Variants in KIAA1671 observed in about 807,000 individuals in gnomAD.
The protein encoded by KIAA1671 is uncharacterized protein KIAA1671.
KIAA1671 carries 52 observed loss-of-function variants against 131.2 expected under a neutral mutation model. The observed-to-expected ratio is 0.40, with a 90% CI of 0.32 to 0.50. The LOEUF is 0.50. Ranked by LOEUF, KIAA1671 falls within the 20% of genes least tolerant of loss-of-function variation. The pLI, the probability that KIAA1671 is intolerant of heterozygous loss-of-function variation, is 0.73. For synonymous variants in KIAA1671, 1,003 were observed against 961.6 expected, an observed-to-expected ratio of 1.04 and a Z score of -0.80; for missense variants, 2,360 against 2,364.2, an observed-to-expected ratio of 1.00 and a Z score of 0.04.
intron 6 of KIAA1671, chr22:25,058,211 T>C (rs1205891672): frequency 6.6e-6 from 1 of 152,154 alleles, no homozygotes; most frequent in African/African-American, 2.4e-5. Context: ...GACTTGACTT[T>C]TTAGAACAGT....
intron 6 of KIAA1671, among the ~76,000 whole-genome samples, chr22:25,079,803 G>A (rs909485774): frequency 1.3e-5 from 2 of 152,134 alleles, no homozygotes; most frequent in Non-Finnish European, 2.9e-5. Flanking sequence ...AGAGCCATGG[G>A]GGAGTGACCC....
chr22:25,067,951 G>A (rs1018888755), intron 6 of KIAA1671, among the ~76,000 whole-genome samples: 4 of 152,280 alleles, frequency 2.6e-5, no homozygotes, highest in African/African-American at 9.6e-5. Flanking sequence ...AGGACACGCA[G>A]CGCCAGGGGT....
rs1374916424 is a variant in KIAA1671, at chr22:25,034,178, T to C, written c.1629+1482T>C. Among the ~76,000 whole-genome samples, 5 of 152,050 alleles carry C rather than the reference T, an allele frequency of 3.3e-5. No homozygotes were observed. The East Asian group carries it at 9.7e-4, about 30-fold the overall frequency. The stretch of plus-strand genomic sequence containing the variant: ...CTCCTGCCTCAGCCTCCCGAGTAGC[T>C]TGGATTACAGGCACCCACTACCACG... On this transcript the variant is annotated intron_variant, in intron 4 of 12. Coordinates refer to ENST00000358431, the MANE Select transcript of KIAA1671 (RefSeq NM_001145206.2).
intron 1 of KIAA1671, among the ~76,000 whole-genome samples, chr22:25,016,114 G>A (rs991076203): frequency 8.6e-5 from 13 of 150,766 alleles, no homozygotes; most frequent in Admixed American, 3.3e-4. Flanking sequence ...ACCACCTCCC[G>A]GGCTCAAGCG....
chr22:25,050,318 AGTTCCATGCT>A (rs1927468806), intron 6 of KIAA1671: 1 of 152,242 alleles, frequency 6.6e-6, no homozygotes, highest in African/African-American at 2.4e-5. Flanking sequence ...TTCGGACTTT[AGTTCCATGCT>A]GTTTGGAGTT....
rs975275584 is a variant in KIAA1671, at chr22:25,040,336, C to T, written c.3206C>T (p.Ser1069Phe). Residue 1069 changes from serine (S) to phenylalanine (F), a missense_variant, in exon 5 of 13, where the codon TCC becomes TTC. This residue lies in a region of KIAA1671 where 1,161 missense variants were observed against 1,204.7 expected (regional missense o/e 0.96). Transcript: ENST00000358431. ...CCCTCGTCTCCTCATTCTTTAACAT[C>T]CACTTTGGTTTCTCTTGGTCATGAA... ...TPPSSPHSLT[S>F]TLVSLGHEEA... The T allele has an allele frequency of 2.8e-5, 43 of 1,551,680 alleles. No individual in the cohort carries two copies. Among genetic ancestry groups the T allele is most frequent in the Non-Finnish European group, 3.5e-5 (40 of 1,147,024 alleles).
intron 6 of KIAA1671, among the ~76,000 whole-genome samples, chr22:25,133,571 C>G (rs1932542666): frequency 1.3e-5 from 2 of 152,170 alleles, no homozygotes; most frequent in South Asian, 2.1e-4. Context: ...TAGAGACAGT[C>G]TCGCTGTGTT....
At chr22:25,038,281 C>T (rs1180818668) in intron 4 of KIAA1671, among the ~76,000 whole-genome samples, 3 of 152,144 alleles carry the variant, frequency 2.0e-5, no homozygotes, top group Non-Finnish European at 1.5e-5. Context: ...AGATTACAGG[C>T]GTGAGCCACC....
intron 6 of KIAA1671, among the ~76,000 whole-genome samples, chr22:25,153,748 A>T (rs2145981501): frequency 6.6e-6 from 1 of 152,322 alleles, no homozygotes; most frequent in South Asian, 2.1e-4. Context: ...ACATTGAGAA[A>T]TGGGCCCTTC....
intron 6 of KIAA1671, among the ~76,000 whole-genome samples, chr22:25,107,534 G>A (rs574624567): frequency 1.5e-5 from 2 of 133,870 alleles, no homozygotes; most frequent in African/African-American, 2.9e-5. Flanking sequence ...GAGTGCAGTG[G>A]TGTGATCACA....
chr22:25,153,696 G>A (rs1933127899), intron 6 of KIAA1671, among the ~76,000 whole-genome samples: 1 of 152,180 alleles, frequency 6.6e-6, no homozygotes, highest in African/African-American at 2.4e-5. Context: ...CGCCCAGGAA[G>A]AACCCAAACG....
At chr22:25,038,487 G>A (rs763462211) in intron 4 of KIAA1671, among the ~76,000 whole-genome samples, 2,781 of 152,310 alleles carry the variant, frequency 0.018, 36 homozygotes, top group Non-Finnish European at 0.028. Flanking sequence ...AGTCCTGGGA[G>A]GAACTTGGCC....
intron 1 of KIAA1671, among the ~76,000 whole-genome samples, chr22:25,000,210 T>TTTTTAAATGTAGCTTTCGATGTTGTTG (rs1212155222): frequency 1.4e-5 from 1 of 73,034 alleles, no homozygotes; most frequent in Non-Finnish European, 3.1e-5. Context: ...TTTTTTTTTT[T>TTTTTAAATGTAGCTTTCGATGTTGTTG]TGAGACGGAG....
At chr22:24,976,241 G>A (rs1221959449) in intron 1 of KIAA1671, among the ~76,000 whole-genome samples, 1 of 152,216 alleles carries the variant, frequency 6.6e-6, no homozygotes, top group Non-Finnish European at 1.5e-5. Context: ...CCAGGGGTGG[G>A]CATTGGATCC....
rs1041311900 is a variant in KIAA1671 at position 25,041,360 on chromosome 22, A to C, written c.4230A>C (p.Ser1410=). 25 of 1,551,732 alleles carry C rather than the reference A, an allele frequency of 1.6e-5. No homozygotes were observed. In the Admixed American group the frequency reaches 4.9e-4, roughly 30 times the overall value. The change falls in exon 5 of 13, where the codon TCA becomes TCC. Residue 1410 remains serine, a synonymous_variant. Transcript: ENST00000358431. The part of the protein sequence containing the change: ...RVPLDIKRAY[S]EKGPPANIRE... Reference sequence around the variant, plus strand: ...CGCTGGATATCAAGAGGGCCTACTCAGAGAAGGGGCCCCCTGCCAACATCC... The same window carrying C: ...CGCTGGATATCAAGAGGGCCTACTCCGAGAAGGGGCCCCCTGCCAACATCC...
chr22:25,167,967 T>C lies in KIAA1671; in HGVS notation c.4531-2853T>C, dbSNP rs866838310. Among the ~76,000 whole-genome samples the C allele has an allele frequency of 4.6e-5, 7 of 152,236 alleles. No individual in the cohort carries two copies. In the East Asian group the frequency reaches 1.4e-3, roughly 29 times the overall value. ...GACCATTATTTTCTCACTGAATTCT[T>C]GTAACTTCTCTGCAATTCAGAGAGG... On this transcript the variant is annotated intron_variant, in intron 6 of 12. Coordinates refer to ENST00000358431, the MANE Select transcript of KIAA1671 (RefSeq NM_001145206.2).
intron 6 of KIAA1671, among the ~76,000 whole-genome samples, chr22:25,068,336 G>A (rs1928603061): frequency 6.6e-6 from 1 of 152,262 alleles, no homozygotes; most frequent in South Asian, 2.1e-4. Flanking sequence ...GTGGGGCGCT[G>A]AGAATCAATG....
At chr22:25,095,858 C>G (rs9608363) in intron 6 of KIAA1671, among the ~76,000 whole-genome samples, 18,131 of 152,236 alleles carry the variant, frequency 0.12, 1,213 homozygotes, top group South Asian at 0.21. Context: ...GCTTTCTCCT[C>G]CCTTGTTTCT....
intron 1 of KIAA1671, among the ~76,000 whole-genome samples, chr22:24,969,999 G>C (rs1487615693): frequency 6.6e-6 from 1 of 152,218 alleles, no homozygotes; most frequent in Non-Finnish European, 1.5e-5. Flanking sequence ...TGCTCAGAAC[G>C]GGGCTTGGGC....
Sources: gnomAD v4.1 joint callset for allele counts (sites outside exome capture counted in the v4.1 genomes callset) on GRCh38, gnomAD v4.1.1 for gene constraint, gnomAD v4.1.1 regional missense constraint, MANE v1.5 for transcripts, NCBI Gene and HGNC (gene_info 2026-07-23, HGNC 2026-07-21) for gene names.